Variants in ADGRL3 observed in about 807,000 individuals in gnomAD.
The protein encoded by ADGRL3 is calcium-independent alpha-latrotoxin receptor 3.
ADGRL3 carries 62 observed loss-of-function variants against 153.5 expected under a neutral mutation model. The observed-to-expected ratio is 0.40, with a 90% confidence interval of 0.33 to 0.50. ADGRL3 has a LOEUF of 0.50. ADGRL3 is among the 20% of genes least tolerant of loss of function. ADGRL3 has a pLI of 0.47. For missense variants in ADGRL3, 1,641 were observed against 1,859.4 expected, an observed-to-expected ratio of 0.88 and a Z score of 2.16; for synonymous variants, 710 against 672.5, an observed-to-expected ratio of 1.06 and a Z score of -0.86.
chr4:61,738,051 A>C (rs1257610333), intron 8 of ADGRL3, among the ~76,000 whole-genome samples: 1 of 151,860 alleles, frequency 6.6e-6, no homozygotes, highest in African/African-American at 2.4e-5. Context: ...ACCTGAACCA[A>C]ATTTGTAGTC....
chr4:61,456,429 CTATATATATAGATATATCTATA>C lies in ADGRL3; in HGVS notation c.-173-40690_-173-40669del, dbSNP rs2097751251. On this transcript the variant is annotated intron_variant, in intron 2 of 26. Transcript: ENST00000683033. ...TATATATATATAGATATATCTATAT[CTATATATATAGATATATCTATA>C]TCTATATATATAGATATATCTATAT... Among the ~76,000 whole-genome samples the C allele has an allele frequency of 4.1e-4, 14 of 34,256 alleles. No homozygotes were observed. In the Admixed American group the frequency reaches 6.8e-3, roughly 17 times the overall value. The allele number at this position is 34,256 out of a possible 152,430, so 22.5% of individuals were successfully genotyped here.
intron 2 of ADGRL3, among the ~76,000 whole-genome samples, chr4:61,481,503 G>A (rs145311019): frequency 8.6e-5 from 13 of 151,946 alleles, no homozygotes; most frequent in Admixed American, 1.3e-4. Context: ...ACAAAAAAAC[G>A]CACTCTTGAC....
chr4:61,440,567 T>C (rs2097517245), intron 2 of ADGRL3, among the ~76,000 whole-genome samples: 1 of 152,180 alleles, frequency 6.6e-6, no homozygotes, highest in Admixed American at 6.5e-5. Context: ...TTATAGTTTA[T>C]GAGTGGCTTT....
chr4:61,526,341 T>C (rs185640766), intron 4 of ADGRL3, among the ~76,000 whole-genome samples: 2 of 152,280 alleles, frequency 1.3e-5, no homozygotes, highest in East Asian at 3.9e-4. Context: ...GTGAGTTTTA[T>C]GTGATAGAAA....
intron 5 of ADGRL3, among the ~76,000 whole-genome samples, chr4:61,650,299 C>T (rs1362498174): frequency 1.3e-5 from 2 of 151,952 alleles, no homozygotes; most frequent in East Asian, 3.9e-4. Flanking sequence ...GATTAATTCT[C>T]TCAAAATATT....
At chr4:61,854,596 TCTC>T (rs1451682053) in intron 9 of ADGRL3, among the ~76,000 whole-genome samples, 1 of 152,128 alleles carries the variant, frequency 6.6e-6, no homozygotes, top group Non-Finnish European at 1.5e-5. Flanking sequence ...AAGAGACAAA[TCTC>T]CTGTAGAAAA....
intron 1 of ADGRL3, among the ~76,000 whole-genome samples, chr4:61,298,038 A>C (rs563785546): frequency 6.6e-6 from 1 of 152,310 alleles, no homozygotes; most frequent in African/African-American, 2.4e-5. Flanking sequence ...ACTGGAGTGA[A>C]AGAAGAATCA....
chr4:61,302,048 T>G (rs1216032967), intron 1 of ADGRL3, among the ~76,000 whole-genome samples: 1 of 152,180 alleles, frequency 6.6e-6, no homozygotes, highest in Non-Finnish European at 1.5e-5. Context: ...AAGTTTGTAT[T>G]ATAATCCCTG....
intron 1 of ADGRL3, among the ~76,000 whole-genome samples, chr4:61,316,780 A>G (rs893593615): frequency 6.6e-6 from 1 of 152,194 alleles, no homozygotes; most frequent in African/African-American, 2.4e-5. Context: ...TGTTTGTATG[A>G]CTGTTTACTT....
Position 61,607,403 on chromosome 4 carries a change from C to A in ADGRL3, c.473+19963C>A, listed in dbSNP as rs575616480. 7.2e-5 allele frequency among the ~76,000 whole-genome samples: 11 copies of A among 152,232 alleles called. No individual in the cohort carries two copies. The East Asian group carries it at 2.1e-3, about 30-fold the overall frequency. On this transcript the variant is annotated intron_variant, in intron 5 of 26. Coordinates refer to ENST00000683033, the MANE Select transcript of ADGRL3 (RefSeq NM_001387552.1). Reference sequence around the variant, plus strand: ...TACGAGGTCAGGAGTTCAAGACCAGCCTGACCAATATGGTGAAACCCCATC... The same window carrying A: ...TACGAGGTCAGGAGTTCAAGACCAGACTGACCAATATGGTGAAACCCCATC...
intron 9 of ADGRL3, among the ~76,000 whole-genome samples, chr4:61,888,809 G>A (rs551645062): frequency 9.2e-5 from 14 of 152,160 alleles, no homozygotes; most frequent in South Asian, 8.3e-4. Flanking sequence ...TAAAAATACC[G>A]TATCATTGTT....
rs978915543 is a variant in ADGRL3, at chr4:61,415,725, A to G, written c.-174+32536A>G. Among the ~76,000 whole-genome samples, 4 of 151,906 alleles carry G rather than the reference A, an allele frequency of 2.6e-5. No homozygotes were observed. The East Asian group carries it at 7.7e-4, about 29-fold the overall frequency. On this transcript the variant is annotated intron_variant, in intron 2 of 26. Coordinates refer to ENST00000683033, the MANE Select transcript of ADGRL3 (RefSeq NM_001387552.1). ...CTTTTTTGTTTTCTCCTCTTCTACCATCTCATGAAAGAAATGATCTTTATT... is the reference window on the plus strand; with the variant it reads ...CTTTTTTGTTTTCTCCTCTTCTACCGTCTCATGAAAGAAATGATCTTTATT...
chr4:61,247,573 G>A (rs1008414061), intron 1 of ADGRL3, among the ~76,000 whole-genome samples: 5 of 151,878 alleles, frequency 3.3e-5, no homozygotes, highest in South Asian at 2.1e-4. Flanking sequence ...TCCTCACCCC[G>A]AATGGTAATT....
chr4:61,200,631 G>A lies in ADGRL3; in HGVS notation c.-1374G>A, dbSNP rs1274609021. Among the ~76,000 whole-genome samples, 1 of 151,860 alleles carries A rather than the reference G, an allele frequency of 6.6e-6. No individual in the cohort carries two copies. Among genetic ancestry groups the A allele is most frequent in the Non-Finnish European group, 1.5e-5 (1 of 67,932 alleles). On this transcript the variant is annotated 5_prime_UTR_variant, in exon 1 of 27. Transcript: ENST00000683033. ...CCTCCCCTTTCTTTCTTCTCTTTTTGCCTTGGTCCTCTTCCTACGGGTGTG... is the reference window on the plus strand; with the variant it reads ...CCTCCCCTTTCTTTCTTCTCTTTTTACCTTGGTCCTCTTCCTACGGGTGTG...
chr4:61,407,159 T>G (rs528504298), intron 2 of ADGRL3, among the ~76,000 whole-genome samples: 1 of 152,182 alleles, frequency 6.6e-6, no homozygotes, highest in African/African-American at 2.4e-5. Flanking sequence ...ACCCTTACAA[T>G]AATTTATTAT....
chr4:62,043,790 T>G (rs1243601445), intron 24 of ADGRL3, among the ~76,000 whole-genome samples: 1 of 152,038 alleles, frequency 6.6e-6, no homozygotes, highest in Admixed American at 6.6e-5. Flanking sequence ...AATTTGAATT[T>G]AAGAATGTCA....
Position 61,856,445 on chromosome 4 carries a change from TCCTTTTTTC to T in ADGRL3, c.1481-36210_1481-36202del, listed in dbSNP as rs1349112398. ...TTCCTTCCTTCCTTCCTTCCTTCCT[TCCTTTTTTC>T]TTTTCTTTTCTTTTCTTTTCTTTTT... is the stretch of plus-strand genomic sequence containing the variant. On this transcript the variant is annotated intron_variant, in intron 9 of 26. Coordinates refer to ENST00000683033, the MANE Select transcript of ADGRL3 (RefSeq NM_001387552.1). Among the ~76,000 whole-genome samples, 218 of 148,866 alleles carry T rather than the reference TCCTTTTTTC, an allele frequency of 1.5e-3. 1 individual carries two copies. The highest frequency in any genetic ancestry group is 5.2e-3 in the African/African-American group (207 of 39,902).
intron 17 of ADGRL3, among the ~76,000 whole-genome samples, chr4:61,974,849 A>G (rs1035240381): frequency 1.3e-5 from 2 of 152,128 alleles, no homozygotes; most frequent in South Asian, 4.1e-4. Context: ...TTCTAGCTCT[A>G]ATTTTCTTTA....
intron 8 of ADGRL3, among the ~76,000 whole-genome samples, chr4:61,803,893 T>C (rs992958832): frequency 1.3e-5 from 2 of 152,162 alleles, no homozygotes; most frequent in African/African-American, 4.8e-5. Context: ...CTAATAATGC[T>C]TCCTATTCTT....
Sources: gnomAD v4.1 joint callset for allele counts (sites outside exome capture counted in the v4.1 genomes callset) on GRCh38, gnomAD v4.1.1 for gene constraint, MANE v1.5 for transcripts, NCBI Gene and HGNC (gene_info 2026-07-23, HGNC 2026-07-21) for gene names.